Variants in MAD1L1 observed in about 807,000 individuals in gnomAD.
MAD1L1 encodes the protein mitotic arrest deficient 1 like 1.
A neutral mutation model predicts 96.9 loss-of-function variants in MAD1L1; 95 were observed. The ratio of observed to expected loss-of-function variants is 0.98; its 90% CI spans 0.83 to 1.16. The LOEUF is 1.16. Ranked by LOEUF, MAD1L1 falls within the 50% of genes most tolerant of loss-of-function variation. The pLI is 0.00. For missense variants in MAD1L1, 1,007 were observed against 954.4 expected (o/e 1.06, Z -0.73); for synonymous variants, 473 against 396.6 (o/e 1.19, Z -2.29).
chr7:2,163,172 G>A (rs1790250257), intron 10 of MAD1L1, among the ~76,000 whole-genome samples: 1 of 152,146 alleles, frequency 6.6e-6, no homozygotes, highest in Admixed American at 6.5e-5. Context: ...GCACATTAAG[G>A]ATGGGCGGCC....
intron 10 of MAD1L1, among the ~76,000 whole-genome samples, chr7:2,206,612 T>C (rs897493914): frequency 1.3e-5 from 2 of 152,274 alleles, no homozygotes; most frequent in African/African-American, 4.8e-5. Context: ...CAATCATTTC[T>C]GAACATTCTA....
chr7:2,203,993 A>G (rs562750525), intron 10 of MAD1L1, among the ~76,000 whole-genome samples: 1 of 152,220 alleles, frequency 6.6e-6, no homozygotes, highest in African/African-American at 2.4e-5. Flanking sequence ...GCAGGAAAGG[A>G]AGAACACGTT....
chr7:1,976,480 AG>A (rs1003545836), intron 15 of MAD1L1, among the ~76,000 whole-genome samples: 20 of 152,314 alleles, frequency 1.3e-4, no homozygotes, highest in African/African-American at 4.6e-4. Flanking sequence ...TGCCGGCCTC[AG>A]GAGTGAAGCT....
chr7:1,992,176 T>C (rs12699567), intron 14 of MAD1L1, among the ~76,000 whole-genome samples: 66,074 of 70,210 alleles, frequency 0.94, 31,201 homozygotes, highest in Middle Eastern at 1. Context: ...GCTGGCCTCA[T>C]GAGCACCGCT....
At chr7:2,111,273 C>T (rs1022642992) in intron 11 of MAD1L1, among the ~76,000 whole-genome samples, 2 of 152,204 alleles carry the variant, frequency 1.3e-5, no homozygotes, top group African/African-American at 2.4e-5. Context: ...CCTCAGAGCC[C>T]GCAGGCGCCT....
intron 18 of MAD1L1, chr7:1,874,640 G>T (rs1192289978): frequency 7.1e-6 from 3 of 424,032 alleles, no homozygotes; most frequent in Non-Finnish European, 1.4e-5. Context: ...GTGGGCTTAG[G>T]AATTGACCCA....
At chr7:2,034,463 G>A (rs886970749) in intron 12 of MAD1L1, among the ~76,000 whole-genome samples, 9 of 152,140 alleles carry the variant, frequency 5.9e-5, no homozygotes, top group South Asian at 2.1e-4. Context: ...CAATCCACCC[G>A]TCTCAGCCTC....
At chr7:2,125,020 T>C (rs1456632112) in intron 11 of MAD1L1, among the ~76,000 whole-genome samples, 1 of 152,140 alleles carries the variant, frequency 6.6e-6, no homozygotes. Flanking sequence ...CTGCTCTGCA[T>C]CCCGGGCCCC....
chr7:2,227,587 G>C (rs1333764741), intron 3 of MAD1L1, among the ~76,000 whole-genome samples: 2 of 152,236 alleles, frequency 1.3e-5, no homozygotes, highest in Non-Finnish European at 2.9e-5. Context: ...AGCGTGCCAA[G>C]GCCAGGAAAG....
chr7:2,163,581 G>C (rs979940087), intron 10 of MAD1L1, among the ~76,000 whole-genome samples: 2 of 152,090 alleles, frequency 1.3e-5, no homozygotes, highest in Admixed American at 6.5e-5. Flanking sequence ...CACTATGTTG[G>C]CCAGGCTGGT....
intron 10 of MAD1L1, among the ~76,000 whole-genome samples, chr7:2,176,241 C>T (rs745689844): frequency 1.1e-4 from 16 of 152,050 alleles, no homozygotes; most frequent in Non-Finnish European, 1.8e-4. Context: ...CCAGCTACTA[C>T]GGAAGCCGAG....
chr7:2,043,149 A>G (rs994427217), intron 12 of MAD1L1, among the ~76,000 whole-genome samples: 6 of 152,222 alleles, frequency 3.9e-5, no homozygotes, highest in African/African-American at 7.2e-5. Context: ...GCCTGAATGG[A>G]GAACATCCAA....
At chr7:2,015,715 G>A (rs1448713891) in intron 12 of MAD1L1, among the ~76,000 whole-genome samples, 1 of 152,220 alleles carries the variant, frequency 6.6e-6, no homozygotes, top group African/African-American at 2.4e-5. Context: ...TGTCCGCCCT[G>A]CGTGAGCCCA....
Position 1,928,625 on chromosome 7 carries a change from G to A in MAD1L1, c.1807+8062C>T, listed in dbSNP as rs370001403. 2.9e-4 allele frequency among the ~76,000 whole-genome samples: 44 copies of A among 152,348 alleles called. No homozygotes were observed. In the East Asian group the frequency reaches 5.4e-3, roughly 19 times the overall value. On this transcript the variant is annotated intron_variant, in intron 17 of 18. Coordinates refer to ENST00000265854, the MANE Select transcript of MAD1L1 (RefSeq NM_001013836.2). Reference sequence around the variant, plus strand: ...TCTTCTCCAACTCCCACTAACTGCCGAACAGGGCTGGAGCCCCTGCACCCC... The same window carrying A: ...TCTTCTCCAACTCCCACTAACTGCCAAACAGGGCTGGAGCCCCTGCACCCC...
At chr7:2,085,482 CA>C (rs1231657935) in intron 11 of MAD1L1, among the ~76,000 whole-genome samples, 1 of 152,234 alleles carries the variant, frequency 6.6e-6, no homozygotes, top group Non-Finnish European at 1.5e-5. Context: ...TTTCTGCCCA[CA>C]GTGAGCACAT....
In MAD1L1 at chr7:1,835,500, GT is replaced by G. The variant is rs968759988; in HGVS notation, c.1999-19273del. Among the ~76,000 whole-genome samples, 112 of 152,240 alleles carry G rather than the reference GT, an allele frequency of 7.4e-4. 1 individual carries two copies. The highest frequency in any genetic ancestry group is 3.4e-3 in the Middle Eastern group (1 of 294). ...AAAAAGATCAATATACAAATGAATTGTTTTTATATAGTAGCAACAGAAATTA... is the reference window on the plus strand; with the variant it reads ...AAAAAGATCAATATACAAATGAATTGTTTTATATAGTAGCAACAGAAATTA... On this transcript the variant is annotated intron_variant, in intron 18 of 18. Coordinates refer to ENST00000265854, the MANE Select transcript of MAD1L1 (RefSeq NM_001013836.2).
intron 18 of MAD1L1, among the ~76,000 whole-genome samples, chr7:1,887,766 T>C (rs1036215047): frequency 4.0e-5 from 6 of 151,422 alleles, no homozygotes; most frequent in African/African-American, 1.5e-4. Context: ...TGTGTGCATG[T>C]GGCTGCCTGT....
intron 11 of MAD1L1, among the ~76,000 whole-genome samples, chr7:2,121,310 G>A (rs1382230119): frequency 6.6e-6 from 1 of 152,262 alleles, no homozygotes; most frequent in African/African-American, 2.4e-5. Context: ...GCGTCAGAGC[G>A]AGGCTCTGCA....
rs1019212725 is a variant in MAD1L1 at position 1,858,578 on chromosome 7, C to T, written c.1998+39622G>A. 2.9e-4 allele frequency among the ~76,000 whole-genome samples: 44 copies of T among 152,322 alleles called. 3 individuals carry two copies. Among genetic ancestry groups the T allele is most frequent in the Admixed American group, 2.4e-3 (37 of 15,308 alleles). ...CATTCAGGTCTTGCTGACCCTGTCCCGGCACCAGGACGCCCGCGGTGCCTC... is the reference window on the plus strand; with the variant it reads ...CATTCAGGTCTTGCTGACCCTGTCCTGGCACCAGGACGCCCGCGGTGCCTC... On this transcript the variant is annotated intron_variant, in intron 18 of 18. Coordinates refer to ENST00000265854, the MANE Select transcript of MAD1L1 (RefSeq NM_001013836.2).
Sources: gnomAD v4.1 joint callset for allele counts (sites outside exome capture counted in the v4.1 genomes callset) on GRCh38, gnomAD v4.1.1 for gene constraint, MANE v1.5 for transcripts, NCBI Gene and HGNC (gene_info 2026-07-23, HGNC 2026-07-21) for gene names.